GABRB1: variants seen among roughly 807,000 people sequenced by gnomAD.
GABRB1 encodes the protein gamma-aminobutyric acid receptor subunit beta-1.
GABRB1 carries 17 observed loss-of-function variants against 51.6 expected under a neutral mutation model. The observed-to-expected ratio is 0.33, with a 90% CI of 0.23 to 0.49. The LOEUF (loss-of-function observed/expected upper bound fraction) is 0.49. GABRB1 is among the 20% of genes least tolerant of loss of function. GABRB1 has a pLI of 0.99. For missense variants in GABRB1, 410 were observed against 600.6 expected, an observed-to-expected ratio of 0.68 and a Z score of 3.32; for synonymous variants, 247 against 218.9, an observed-to-expected ratio of 1.13 and a Z score of -1.14.
At chr4:47,263,482 T>C (rs975118712) in intron 4 of GABRB1, among the ~76,000 whole-genome samples, 2 of 152,160 alleles carry the variant, frequency 1.3e-5, no homozygotes, top group East Asian at 3.9e-4. Context: ...ACTCCAGGAC[T>C]TCACTGTGAA....
In GABRB1 at chr4:47,406,919, A is replaced by T. The variant is rs1233845979; in HGVS notation, c.1073A>T (p.Lys358Ile). 6.2e-7 allele frequency: 1 copy of T among 1,613,392 alleles called. No homozygotes were observed. The highest frequency in any genetic ancestry group is 2.2e-5 in the East Asian group (1 of 44,898). Residue 358 changes from lysine (K) to isoleucine (I), a missense_variant, in exon 8 of 9, where the codon AAA becomes ATA. Around this residue, in one of 5 missense-constraint regions of GABRB1, gnomAD observed 181 missense variants for 195.6 expected, o/e 0.93. Coordinates refer to ENST00000295454, the MANE Select transcript of GABRB1 (RefSeq NM_000812.4). ...ANEKNKLEMN[K>I]VQVDAHGNIL... ...GAGAAGAATAAACTGGAGATGAATA[A>T]AGTCCAGGTAAGATATTAAATATTC...
chr4:47,110,434 G>A (rs1345255909), intron 3 of GABRB1, among the ~76,000 whole-genome samples: 2 of 152,134 alleles, frequency 1.3e-5, no homozygotes, highest in Admixed American at 1.3e-4. Flanking sequence ...TGGAAAAGAT[G>A]CACAAGCCAT....
intron 4 of GABRB1, among the ~76,000 whole-genome samples, chr4:47,260,528 A>T (rs1353148458): frequency 6.6e-6 from 1 of 152,120 alleles, no homozygotes; most frequent in Admixed American, 6.5e-5. Flanking sequence ...CCTGGTGGTG[A>T]CAAAATCTCT....
chr4:47,286,112 GACTT>G (rs1723500799), intron 4 of GABRB1, among the ~76,000 whole-genome samples: 2 of 152,118 alleles, frequency 1.3e-5, no homozygotes, highest in African/African-American at 4.8e-5. Flanking sequence ...CTTGTTCTTT[GACTT>G]ACTGGATATA....
chr4:47,328,894 G>A (rs139646850), intron 5 of GABRB1, among the ~76,000 whole-genome samples: 169 of 148,932 alleles, frequency 1.1e-3, no homozygotes, highest in African/African-American at 3.9e-3. Context: ...TTTTGCACAC[G>A]TACCCTAAAA....
At chr4:47,276,877 T>C (rs531267654) in intron 4 of GABRB1, among the ~76,000 whole-genome samples, 1 of 152,118 alleles carries the variant, frequency 6.6e-6, no homozygotes, top group East Asian at 1.9e-4. Context: ...CTACAGATAT[T>C]ACCAAGGGTC....
chr4:47,032,073 C>T, intron 2 of GABRB1, 68 bp downstream of exon 2: 11 of 449,852 alleles, frequency 2.4e-5, no homozygotes, highest in Non-Finnish European at 3.5e-5. Flanking sequence ...AGATAAATGT[C>T]AAAAAAAAAA....
At chr4:47,053,874 C>T (rs944556282) in intron 3 of GABRB1, among the ~76,000 whole-genome samples, 1 of 152,178 alleles carries the variant, frequency 6.6e-6, no homozygotes, top group Admixed American at 6.5e-5. Flanking sequence ...TGAAGAGACT[C>T]TCCCTCAGAG....
At chr4:47,178,593 A>C (rs983315064) in intron 4 of GABRB1, among the ~76,000 whole-genome samples, 1 of 152,168 alleles carries the variant, frequency 6.6e-6, no homozygotes. Flanking sequence ...TTTGTGTCAC[A>C]GGATAATTCT....
chr4:47,033,274 A>G (rs1227726242), intron 3 of GABRB1, among the ~76,000 whole-genome samples: 9 of 152,322 alleles, frequency 5.9e-5, no homozygotes, highest in South Asian at 2.1e-4. Flanking sequence ...AAAGGGGTCA[A>G]CATTCTTTTA....
intron 4 of GABRB1, among the ~76,000 whole-genome samples, chr4:47,254,062 A>G (rs1722087482): frequency 6.6e-6 from 1 of 152,188 alleles, no homozygotes; most frequent in African/African-American, 2.4e-5. Flanking sequence ...TCTTATTTTA[A>G]AACAAAAGAA....
intron 1 of GABRB1, among the ~76,000 whole-genome samples, chr4:47,017,510 C>T (rs533892518): frequency 6.6e-6 from 1 of 152,108 alleles, no homozygotes; most frequent in Middle Eastern, 3.4e-3. Flanking sequence ...TAAGAAGCCA[C>T]CAAAGGCTAA....
intron 4 of GABRB1, among the ~76,000 whole-genome samples, chr4:47,313,771 T>G (rs765565696): frequency 2.0e-5 from 3 of 152,064 alleles, no homozygotes; most frequent in Non-Finnish European, 4.4e-5. Context: ...CATGAATATG[T>G]GCTTGTGTGG....
At chr4:47,212,326 C>G (rs1720390602) in intron 4 of GABRB1, among the ~76,000 whole-genome samples, 1 of 152,152 alleles carries the variant, frequency 6.6e-6, no homozygotes, top group South Asian at 2.1e-4. Flanking sequence ...CTTCAGTCTT[C>G]CAGGTGCCGA....
At chr4:47,244,845 G>C (rs1277664935) in intron 4 of GABRB1, among the ~76,000 whole-genome samples, 1 of 152,202 alleles carries the variant, frequency 6.6e-6, no homozygotes, top group East Asian at 1.9e-4. Flanking sequence ...ATTTAAAGCA[G>C]TGTGTACAGG....
chr4:47,296,701 G>A (rs536964807), intron 4 of GABRB1, among the ~76,000 whole-genome samples: 49 of 152,252 alleles, frequency 3.2e-4, no homozygotes, highest in African/African-American at 1.1e-3. Flanking sequence ...ACAGATCAAC[G>A]AGACAGAAAG....
intron 5 of GABRB1, among the ~76,000 whole-genome samples, chr4:47,331,207 G>A (rs1409806698): frequency 6.6e-6 from 1 of 151,960 alleles, no homozygotes; most frequent in East Asian, 1.9e-4. Flanking sequence ...AGTGCCTGTA[G>A]CTTTTTTGAT....
intron 4 of GABRB1, among the ~76,000 whole-genome samples, chr4:47,252,096 C>A (rs1011367781): frequency 1.6e-5 from 2 of 128,168 alleles, no homozygotes; most frequent in Non-Finnish European, 3.3e-5. Flanking sequence ...CACCCCGCTG[C>A]CCCCCCTCCT....
At chr4:47,008,062 T>G (rs1724464895) in intron 1 of GABRB1, among the ~76,000 whole-genome samples, 1 of 151,862 alleles carries the variant, frequency 6.6e-6, no homozygotes, top group African/African-American at 2.4e-5. Context: ...TGAACTGGAA[T>G]AGTGGCAGTG....
Sources: gnomAD v4.1 joint callset for allele counts (sites outside exome capture counted in the v4.1 genomes callset) on GRCh38, gnomAD v4.1.1 for gene constraint, gnomAD v4.1.1 regional missense constraint, MANE v1.5 for transcripts, NCBI Gene and HGNC (gene_info 2026-07-23, HGNC 2026-07-21) for gene names.